Variants in GRIK4 observed in about 807,000 individuals in gnomAD.
GRIK4 encodes glutamate ionotropic receptor kainate type subunit 4, also known as glutamate receptor ionotropic, kainate 4.
Under a neutral mutation model 104.9 loss-of-function variants are expected in GRIK4, and 40 were observed. That is an observed-to-expected ratio of 0.38 (90% confidence interval 0.30 to 0.50). GRIK4 has a LOEUF of 0.50. Among genes scored for constraint, GRIK4 ranks in the 20% least tolerant of loss-of-function variants. The probability of loss-of-function intolerance (pLI) is 0.93; values close to 1 mark genes in which losing one functional copy is unlikely to be tolerated. For missense variants in GRIK4, 1,047 were observed against 1,308.1 expected, an observed-to-expected ratio of 0.80 and a Z score of 3.08; for synonymous variants, 485 against 524.9, an observed-to-expected ratio of 0.92 and a Z score of 1.04.
chr11:120,597,343 G>T (rs1344602575), intron 1 of GRIK4, among the ~76,000 whole-genome samples: 1 of 152,254 alleles, frequency 6.6e-6, no homozygotes, highest in Non-Finnish European at 1.5e-5. Context: ...GGAGGATGCA[G>T]TGAGATCATG....
At chr11:120,742,526 A>ATTC in intron 3 of GRIK4, among the ~76,000 whole-genome samples, 1 of 146,274 alleles carries the variant, frequency 6.8e-6, no homozygotes, top group South Asian at 2.2e-4. Context: ...TATTATTATT[A>ATTC]TTTTTTTTTG....
At chr11:120,974,413 A>G (rs979750095) in intron 19 of GRIK4, among the ~76,000 whole-genome samples, 2 of 152,238 alleles carry the variant, frequency 1.3e-5, no homozygotes, top group Admixed American at 6.5e-5. Context: ...GGTGAAAGGA[A>G]CTATGAGTGG....
intron 1 of GRIK4, among the ~76,000 whole-genome samples, chr11:120,602,645 T>G (rs974155929): frequency 6.6e-6 from 1 of 152,208 alleles, no homozygotes; most frequent in African/African-American, 2.4e-5. Flanking sequence ...TGAAGGCCTA[T>G]CTGGGTATGA....
chr11:120,806,783 A>G (rs547028214), intron 4 of GRIK4, among the ~76,000 whole-genome samples: 1 of 152,338 alleles, frequency 6.6e-6, no homozygotes, highest in African/African-American at 2.4e-5. Flanking sequence ...TGAAGTGTAA[A>G]GAAGCTAACG....
intron 13 of GRIK4, among the ~76,000 whole-genome samples, chr11:120,916,943 G>T (rs1943116561): frequency 6.6e-6 from 1 of 152,138 alleles, no homozygotes; most frequent in African/African-American, 2.4e-5. Context: ...TCAACCCAAG[G>T]CTTAGAAAGC....
chr11:120,830,231 C>G (rs1383545624), intron 6 of GRIK4, among the ~76,000 whole-genome samples: 1 of 151,898 alleles, frequency 6.6e-6, no homozygotes, highest in Non-Finnish European at 1.5e-5. Context: ...GCATCAGCTT[C>G]CCTCTCCTAA....
intron 8 of GRIK4, among the ~76,000 whole-genome samples, chr11:120,855,564 C>CTTTTTTTTTTTT (rs10717552): frequency 6.9e-6 from 1 of 145,036 alleles, no homozygotes. Flanking sequence ...CTTATGGTGA[C>CTTTTTTTTTTTT]TTTTTTTTTT....
chr11:120,560,058 AT>A (rs952969179), intron 1 of GRIK4, among the ~76,000 whole-genome samples: 48 of 147,078 alleles, frequency 3.3e-4, no homozygotes, highest in Admixed American at 1.2e-3. Context: ...TTCCAAGCAG[AT>A]TTTTTTTTTT....
chr11:120,888,220 A>G (rs1040681426), intron 11 of GRIK4, among the ~76,000 whole-genome samples: 1 of 152,150 alleles, frequency 6.6e-6, no homozygotes, highest in Admixed American at 6.5e-5. Flanking sequence ...GTTTAACTGT[A>G]TAGTCCCAAC....
intron 4 of GRIK4, among the ~76,000 whole-genome samples, chr11:120,803,496 T>C (rs1952660609): frequency 6.6e-6 from 1 of 152,172 alleles, no homozygotes; most frequent in Non-Finnish European, 1.5e-5. Flanking sequence ...GGAGTGCAGT[T>C]GCACAATCTC....
At chr11:120,803,834 GCCC>G (rs1455361423) in intron 4 of GRIK4, among the ~76,000 whole-genome samples, 4 of 152,198 alleles carry the variant, frequency 2.6e-5, no homozygotes, top group African/African-American at 7.2e-5. Context: ...CACATATGGA[GCCC>G]CTACTATGCG....
intron 1 of GRIK4, among the ~76,000 whole-genome samples, chr11:120,537,863 A>G (rs1947993876): frequency 6.6e-6 from 1 of 152,042 alleles, no homozygotes; most frequent in South Asian, 2.1e-4. Flanking sequence ...AAAAAAAAAA[A>G]AGAAACCAAC....
At chr11:120,852,567 G>A (rs1361430756) in intron 8 of GRIK4, among the ~76,000 whole-genome samples, 2 of 152,196 alleles carry the variant, frequency 1.3e-5, no homozygotes, top group Non-Finnish European at 2.9e-5. Flanking sequence ...CATGCAGGGA[G>A]AAGAATCCAA....
rs1453258699 is a variant in GRIK4 at position 120,585,714 on chromosome 11, T to C, written c.-158-67971T>C. On this transcript the variant is annotated intron_variant, in intron 1 of 20. Transcript: ENST00000527524. Reference sequence around the variant, plus strand: ...GTGAGAAGTATGGATTAAAGTTCTTTTTTTGTTTTTGTTTTTTTTTTTTGC... The same window carrying C: ...GTGAGAAGTATGGATTAAAGTTCTTCTTTTGTTTTTGTTTTTTTTTTTTGC... 2.9e-5 allele frequency among the ~76,000 whole-genome samples: 3 copies of C among 102,504 alleles called. No homozygotes were observed. In the East Asian group the frequency reaches 7.0e-4, roughly 24 times the overall value. The allele number at this position is 102,504 out of a possible 152,430, so 67.2% of individuals were successfully genotyped here.
intron 13 of GRIK4, among the ~76,000 whole-genome samples, chr11:120,928,838 A>T (rs1377421068): frequency 1.3e-5 from 2 of 152,166 alleles, no homozygotes; most frequent in Non-Finnish European, 2.9e-5. Context: ...TGACATTGCC[A>T]CTTTCCCAGG....
intron 1 of GRIK4, among the ~76,000 whole-genome samples, chr11:120,646,570 T>C (rs1292560448): frequency 6.6e-6 from 1 of 152,218 alleles, no homozygotes; most frequent in African/African-American, 2.4e-5. Flanking sequence ...GAAAGATGAA[T>C]AGGATTAAAA....
chr11:120,936,264 A>G (rs1289247294), intron 13 of GRIK4: 2 of 502,996 alleles, frequency 4.0e-6, no homozygotes. Flanking sequence ...GTGTTAGTCC[A>G]CATCTTCCAG....
intron 13 of GRIK4, among the ~76,000 whole-genome samples, chr11:120,921,130 C>T (rs1943219444): frequency 6.6e-6 from 1 of 152,228 alleles, no homozygotes; most frequent in Admixed American, 6.5e-5. Context: ...CCCATCCTCT[C>T]ATTTAGTCAC....
intron 1 of GRIK4, among the ~76,000 whole-genome samples, chr11:120,651,032 AG>A (rs990739408): frequency 7.9e-5 from 12 of 152,168 alleles, no homozygotes; most frequent in African/African-American, 2.9e-4. Context: ...CTCTGCCAGA[AG>A]GACTGACTTC....
Sources: allele counts gnomAD v4.1 joint callset (sites outside exome capture counted in the v4.1 genomes callset), GRCh38; gene constraint gnomAD v4.1.1; transcripts MANE v1.5; gene names NCBI Gene and HGNC (gene_info 2026-07-23, HGNC 2026-07-21).